The following COL9A1 variants were observed in gnomAD, a reference collection of about 807,000 sequenced individuals.
COL9A1 encodes the protein collagen alpha-1(IX) chain.
Under a neutral mutation model 142.6 loss-of-function variants are expected in COL9A1, and 104 were observed. The observed-to-expected ratio is 0.73, with a 90% confidence interval of 0.62 to 0.86. The LOEUF is 0.86. Among genes scored for constraint, COL9A1 ranks in the 40% least tolerant of loss-of-function variants. The pLI, the probability that COL9A1 is intolerant of heterozygous loss-of-function variation, is 0.00. For missense variants in COL9A1, 1,210 were observed against 1,176.6 expected, an observed-to-expected ratio of 1.03 and a Z score of -0.42; for synonymous variants, 466 against 396.0, an observed-to-expected ratio of 1.18 and a Z score of -2.10.
At chr6:70,217,582 A>G (rs1002698179) in intron 37 of COL9A1, among the ~76,000 whole-genome samples, 2 of 152,152 alleles carry the variant, frequency 1.3e-5, no homozygotes, top group Admixed American at 1.3e-4. Flanking sequence ...TACCTTTTTC[A>G]TGTGGCTACT....
At chr6:70,269,712 A>G (rs1242510736) in intron 15 of COL9A1, 47 bp from the exon 16 acceptor site, 1 of 1,195,096 alleles carries the variant, frequency 8.4e-7, no homozygotes, top group South Asian at 1.2e-5. Context: ...TAAATAATGA[A>G]TTCAAACATA....
At chr6:70,234,500 T>C (rs775762656) in intron 35 of COL9A1, 39 bp downstream of exon 35, 1 of 1,602,426 alleles carries the variant, frequency 6.2e-7, no homozygotes. Context: ...GAAACAAGAG[T>C]TGATGGTGGA....
chr6:70,269,010 C>G (rs1389175096), intron 16 of COL9A1, 150 bp from the exon 17 acceptor site: 5 of 671,650 alleles, frequency 7.4e-6, no homozygotes, highest in Non-Finnish European at 1.3e-5. Flanking sequence ...ACACCCCTTT[C>G]CTTTTTATTA....
chr6:70,262,229 G>C (rs1004691764), intron 19 of COL9A1, among the ~76,000 whole-genome samples: 29 of 151,368 alleles, frequency 1.9e-4, no homozygotes, highest in African/African-American at 7.0e-4. Flanking sequence ...AAAGAGTCCA[G>C]CTCCTAGTGT....
In COL9A1 at chr6:70,234,897, C is replaced by T; in HGVS notation, c.2156G>A (p.Ser719Asn). 6.5e-7 allele frequency: 1 copy of T among 1,538,876 alleles called. No homozygotes were observed. The highest frequency in any genetic ancestry group is 9.0e-7 in the Non-Finnish European group (1 of 1,111,242). The stretch of plus-strand genomic sequence containing the variant: ...TCCTTCCACTCCAGGAAGCCCCCGA[C>T]TTCCCTCAGGCCCTCTCAAGCCAGG... The part of the protein sequence containing the change: ...GEPGLRGPEG[S>N]RGLPGVEGPR... Residue 719 changes from serine (S) to asparagine (N), a missense_variant, in exon 34 of 38, where the codon AGT becomes AAT. Transcript: ENST00000357250.
intron 33 of COL9A1, 76 bp downstream of exon 33, chr6:70,239,178 A>C (rs1770093661): frequency 1.0e-6 from 1 of 971,876 alleles, no homozygotes; most frequent in Admixed American, 2.1e-5. Context: ...TGATTTCATA[A>C]AGCAGAATAT....
chr6:70,241,858 T>G, intron 30 of COL9A1, 106 bp downstream of exon 30: 1 of 989,268 alleles, frequency 1.0e-6, no homozygotes, highest in South Asian at 1.4e-5. Flanking sequence ...CTGTTTATGA[T>G]AAATTCTAGA....
rs144071738 is a variant in COL9A1, at chr6:70,261,797, G to A, written c.1396-1087C>T. 3.1e-3 allele frequency among the ~76,000 whole-genome samples: 470 copies of A among 152,254 alleles called. 1 individual carries two copies. The highest frequency in any genetic ancestry group is 0.01 in the African/African-American group (435 of 41,526). On this transcript the variant is annotated intron_variant, in intron 19 of 37. Coordinates refer to ENST00000357250, the MANE Select transcript of COL9A1 (RefSeq NM_001851.6). ...ACAAAAAGAAATATTTGGGTCAATA[G>A]CAATGACACGAGAATACCACATATT...
intron 5 of COL9A1, among the ~76,000 whole-genome samples, chr6:70,290,932 T>C (rs554787964): frequency 6.6e-6 from 1 of 152,294 alleles, no homozygotes; most frequent in South Asian, 2.1e-4. Flanking sequence ...CATAGTAATA[T>C]TGAATATTTG....
chr6:70,234,235 A>AGTGT (rs71538408), intron 35 of COL9A1, among the ~76,000 whole-genome samples: 141 of 147,036 alleles, frequency 9.6e-4, no homozygotes, highest in African/African-American at 2.1e-3. Context: ...AAAGGAAAAA[A>AGTGT]GTGTGTGTGT....
intron 15 of COL9A1, 67 bp from the exon 16 acceptor site, chr6:70,269,732 G>C: frequency 1.0e-6 from 1 of 988,962 alleles, no homozygotes; most frequent in Non-Finnish European, 1.6e-6. Context: ...ACTAATACTA[G>C]AAAGCTCATC....
chr6:70,280,718 T>C (rs1352501500), intron 10 of COL9A1, 94 bp downstream of exon 10: 1 of 1,458,948 alleles, frequency 6.9e-7, no homozygotes, highest in Non-Finnish European at 9.4e-7. Flanking sequence ...TCTCTCTCTC[T>C]TTCTCTCTCT....
At chr6:70,233,482 A>G (rs1769689463) in intron 35 of COL9A1, among the ~76,000 whole-genome samples, 1 of 152,202 alleles carries the variant, frequency 6.6e-6, no homozygotes, top group Non-Finnish European at 1.5e-5. Context: ...GCCTACAACA[A>G]AATCTCCCCA....
Position 70,282,956 on chromosome 6 carries a change from C to T in COL9A1, c.781-38G>A. On this transcript the variant is annotated intron_variant, in intron 6 of 37. Coordinates refer to ENST00000357250, the MANE Select transcript of COL9A1 (RefSeq NM_001851.6). ...AGATGGGGAGAAAGTGAGAAAAGCA[C>T]CCCTCAAACTCGATCGCAACTTACT... 1.9e-6 allele frequency: 3 copies of T among 1,614,188 alleles called. No individual in the cohort carries two copies. In the East Asian group the frequency reaches 6.7e-5, roughly 36 times the overall value.
chr6:70,301,806 C>T lies in COL9A1; in HGVS notation c.88+195G>A, dbSNP rs117426118. 0.041 allele frequency among the ~76,000 whole-genome samples: 6,195 copies of T among 152,288 alleles called. 209 individuals carry two copies. The highest frequency in any genetic ancestry group is 0.066 in the Non-Finnish European group (4,502 of 68,014). ...CCTTCCTACCAACTGTGATTACTGA[C>T]AGGACTTACTTTCCATACCCAGCAT... On this transcript the variant is annotated intron_variant, in intron 2 of 37. Transcript: ENST00000357250.
At chr6:70,271,821 T>G in intron 13 of COL9A1, 113 bp from the exon 14 acceptor site, 1 of 1,141,680 alleles carries the variant, frequency 8.8e-7, no homozygotes. Flanking sequence ...AGCTTTGGTT[T>G]CCAATGACAC....
intron 5 of COL9A1, among the ~76,000 whole-genome samples, chr6:70,290,070 T>C (rs1237274291): frequency 6.6e-6 from 1 of 152,144 alleles, no homozygotes; most frequent in African/African-American, 2.4e-5. Flanking sequence ...CGTTCCATGT[T>C]GGCTTCTTTG....
intron 20 of COL9A1, 76 bp from the exon 21 acceptor site, chr6:70,256,897 A>T: frequency 7.2e-7 from 1 of 1,382,826 alleles, no homozygotes; most frequent in South Asian, 1.2e-5. Context: ...CTTTCTAAAG[A>T]AATTTAATAG....
intron 37 of COL9A1, among the ~76,000 whole-genome samples, chr6:70,222,510 G>A (rs1044184781): frequency 6.6e-6 from 1 of 152,100 alleles, no homozygotes; most frequent in East Asian, 1.9e-4. Context: ...TCAATGTAAA[G>A]GTTATAATAA....
Sources: gnomAD v4.1 joint callset for allele counts (sites outside exome capture counted in the v4.1 genomes callset) on GRCh38, gnomAD v4.1.1 for gene constraint, MANE v1.5 for transcripts, NCBI Gene and HGNC (gene_info 2026-07-23, HGNC 2026-07-21) for gene names.